Variants in PDE10A observed in about 807,000 individuals in gnomAD.
The protein encoded by PDE10A is cAMP and cAMP-inhibited cGMP 3',5'-cyclic phosphodiesterase 10A.
A neutral mutation model predicts 97.7 loss-of-function variants in PDE10A; 39 were observed. The ratio of observed to expected loss-of-function variants is 0.40; its 90% CI spans 0.31 to 0.52. The LOEUF (loss-of-function observed/expected upper bound fraction) is 0.52. Among genes scored for constraint, PDE10A ranks in the 20% least tolerant of loss-of-function variants. The probability of loss-of-function intolerance (pLI) is 0.56; values close to 1 mark genes in which losing one functional copy is unlikely to be tolerated. For synonymous variants in PDE10A, 371 were observed against 376.8 expected (o/e 0.98, Z 0.18); for missense variants, 731 against 1,047.8 (o/e 0.70, Z 4.17).
chr6:165,700,058 C>A (rs1353963178), intron 1 of PDE10A, among the ~76,000 whole-genome samples: 1 of 152,112 alleles, frequency 6.6e-6, no homozygotes, highest in Non-Finnish European at 1.5e-5. Flanking sequence ...ATGTTTATAG[C>A]AGCATATTTA....
At chr6:165,978,461 G>T (rs1188133269) in intron 1 of PDE10A, among the ~76,000 whole-genome samples, 1 of 152,180 alleles carries the variant, frequency 6.6e-6, no homozygotes, top group Non-Finnish European at 1.5e-5. Flanking sequence ...ATGTCACCAC[G>T]ACAGGACCTG....
At chr6:165,587,266 G>C (rs150609585) in intron 1 of PDE10A, among the ~76,000 whole-genome samples, 1 of 152,108 alleles carries the variant, frequency 6.6e-6, no homozygotes, top group East Asian at 1.9e-4. Flanking sequence ...AAGTAAAGAC[G>C]GGAGGAACAT....
rs187748883 is a variant in PDE10A at position 165,899,943 on chromosome 6, G to T, written c.-615+87586C>A. Among the ~76,000 whole-genome samples, 27 of 152,298 alleles carry T rather than the reference G, an allele frequency of 1.8e-4. 1 individual carries two copies. In the East Asian group the frequency reaches 5.0e-3, roughly 28 times the overall value. On this transcript the variant is annotated intron_variant, in intron 1 of 19. Coordinates refer to the PDE10A transcript ENST00000366882. Reference sequence around the variant, plus strand: ...TCTCCCCATACACTGATTTTCACTGGCCCTTCAGAGATCCACTGGGGAGGG... The same window carrying T: ...TCTCCCCATACACTGATTTTCACTGTCCCTTCAGAGATCCACTGGGGAGGG...
chr6:165,619,074 GTAGTC>G lies in PDE10A; in HGVS notation c.865+42868_865+42872del, dbSNP rs1183988046. ...CTAGTGTGGTGTAGTGTAGTGTAGT[GTAGTC>G]TAGTGTAGTCTAGTGTAGTGTAGTC... On this transcript the variant is annotated intron_variant, in intron 1 of 21. Coordinates refer to ENST00000539869, the MANE Select transcript of PDE10A (RefSeq NM_001385079.1). Among the ~76,000 whole-genome samples, 783 of 127,144 alleles carry G rather than the reference GTAGTC, an allele frequency of 6.2e-3. 11 individuals carry two copies. The highest frequency in any genetic ancestry group is 0.03 in the African/African-American group (686 of 23,148). 83.4% of individuals were successfully genotyped at this position (127,144 alleles called of 152,430 possible).
rs540125473 is a variant in PDE10A, at chr6:165,769,991, A to G, written c.-615+217538T>C. 2.1e-4 allele frequency among the ~76,000 whole-genome samples: 32 copies of G among 152,334 alleles called. No individual in the cohort carries two copies. The South Asian group carries it at 6.4e-3, about 31-fold the overall frequency. On this transcript the variant is annotated intron_variant, in intron 1 of 19. Transcript: ENST00000366882. Reference sequence around the variant, plus strand: ...TTTTCTTTTATAATGTAATTCCTGAAAAGGAAAGTATTAACGTCTCAAGAC... The same window carrying G: ...TTTTCTTTTATAATGTAATTCCTGAGAAGGAAAGTATTAACGTCTCAAGAC...
At chr6:165,426,249 GA>G (rs916104341) in intron 10 of PDE10A, among the ~76,000 whole-genome samples, 27 of 152,094 alleles carry the variant, frequency 1.8e-4, no homozygotes, top group African/African-American at 6.5e-4. Context: ...AAAGAATCTT[GA>G]AAAGTTAGGG....
chr6:165,811,189 C>T (rs1400012892), intron 1 of PDE10A, among the ~76,000 whole-genome samples: 1 of 152,202 alleles, frequency 6.6e-6, no homozygotes, highest in Admixed American at 6.5e-5. Context: ...CACCACTGCA[C>T]TCCAGCCTGG....
intron 2 of PDE10A, among the ~76,000 whole-genome samples, chr6:165,520,103 G>A (rs974754893): frequency 1.3e-5 from 2 of 152,112 alleles, no homozygotes; most frequent in South Asian, 2.1e-4. Flanking sequence ...TGACAATCAC[G>A]ATATCCCCAG....
intron 1 of PDE10A, among the ~76,000 whole-genome samples, chr6:165,752,074 C>T (rs904165883): frequency 2.8e-5 from 4 of 142,902 alleles, no homozygotes; most frequent in Non-Finnish European, 4.5e-5. Context: ...ACCCGGGAGC[C>T]GGAGCTTGCA....
At chr6:165,652,600 C>A (rs374481340) in intron 1 of PDE10A, among the ~76,000 whole-genome samples, 4 of 152,220 alleles carry the variant, frequency 2.6e-5, no homozygotes, top group Admixed American at 1.3e-4. Flanking sequence ...TCTATATTAC[C>A]ATGCTGTTTT....
At chr6:165,523,389 C>T (rs1782246327) in intron 2 of PDE10A, among the ~76,000 whole-genome samples, 1 of 152,018 alleles carries the variant, frequency 6.6e-6, no homozygotes, top group African/African-American at 2.4e-5. Flanking sequence ...GCTACAGTAA[C>T]CCAAACAGCA....
intron 10 of PDE10A, among the ~76,000 whole-genome samples, chr6:165,423,362 T>C (rs1435376309): frequency 6.6e-6 from 1 of 152,198 alleles, no homozygotes; most frequent in Non-Finnish European, 1.5e-5. Context: ...ATTCATTGAT[T>C]CCCAACCAGC....
At chr6:165,616,166 C>T (rs1398250758) in intron 1 of PDE10A, among the ~76,000 whole-genome samples, 1 of 152,114 alleles carries the variant, frequency 6.6e-6, no homozygotes, top group Non-Finnish European at 1.5e-5. Flanking sequence ...TCGCATGACA[C>T]AGGGTGCAAG....
intron 1 of PDE10A, among the ~76,000 whole-genome samples, chr6:165,599,707 C>A (rs1003886183): frequency 6.6e-6 from 1 of 152,112 alleles, no homozygotes; most frequent in Non-Finnish European, 1.5e-5. Context: ...CCCTCCTCAC[C>A]ATATAATGTT....
At chr6:165,364,315 C>T (rs1212709612) in intron 18 of PDE10A, among the ~76,000 whole-genome samples, 1 of 152,122 alleles carries the variant, frequency 6.6e-6, no homozygotes, top group Non-Finnish European at 1.5e-5. Context: ...GAGCTCCCTC[C>T]CTTCTTCCAT....
intron 1 of PDE10A, among the ~76,000 whole-genome samples, chr6:165,569,068 T>C (rs1349655522): frequency 6.6e-6 from 1 of 152,210 alleles, no homozygotes. Flanking sequence ...TGTAAAATAT[T>C]TCATCAAATA....
intron 1 of PDE10A, among the ~76,000 whole-genome samples, chr6:165,952,761 C>T (rs1287527760): frequency 1.3e-5 from 2 of 152,076 alleles, no homozygotes; most frequent in Admixed American, 1.3e-4. Flanking sequence ...TATCAGGGCT[C>T]ACATGGGCCT....
intron 2 of PDE10A, among the ~76,000 whole-genome samples, chr6:165,509,788 T>G (rs1247438113): frequency 6.6e-6 from 1 of 151,936 alleles, no homozygotes; most frequent in Non-Finnish European, 1.5e-5. Flanking sequence ...TACAGAGATC[T>G]CTCACCTCCT....
chr6:165,498,626 A>G (rs895470565), intron 2 of PDE10A, among the ~76,000 whole-genome samples: 6 of 151,978 alleles, frequency 3.9e-5, no homozygotes, highest in Admixed American at 3.9e-4. Flanking sequence ...CTCTATCAGC[A>G]GAGATCTTAA....
Sources: gnomAD v4.1 joint callset for allele counts (sites outside exome capture counted in the v4.1 genomes callset) on GRCh38, gnomAD v4.1.1 for gene constraint, MANE v1.5 for transcripts, NCBI Gene and HGNC (gene_info 2026-07-23, HGNC 2026-07-21) for gene names.